The following ZBTB24 variants were observed in gnomAD, a reference collection of about 807,000 sequenced individuals.
The protein encoded by ZBTB24 is zinc finger and BTB domain-containing protein 24.
A neutral mutation model predicts 53.8 loss-of-function variants in ZBTB24; 32 were observed. That is an observed-to-expected ratio of 0.60 (90% CI 0.45 to 0.80). ZBTB24 has a LOEUF of 0.80. Ranked by LOEUF, ZBTB24 falls within the 30% of genes least tolerant of loss-of-function variation. The probability of loss-of-function intolerance (pLI) is 0.00; values close to 1 mark genes in which losing one functional copy is unlikely to be tolerated. For missense variants in ZBTB24, 722 were observed against 837.1 expected (o/e 0.86, Z 1.70); for synonymous variants, 297 against 306.7 (o/e 0.97, Z 0.33).
intron 5 of ZBTB24, 57 bp downstream of exon 5, chr6:109,475,342 C>T (rs1002679799): frequency 1.2e-6 from 2 of 1,603,332 alleles, no homozygotes; most frequent in African/African-American, 2.7e-5. Context: ...GAACTTCATT[C>T]TTCACTCTCC....
chr6:109,482,742 T>C (rs1227876685), intron 1 of ZBTB24, among the ~76,000 whole-genome samples: 2 of 152,170 alleles, frequency 1.3e-5, no homozygotes, highest in Non-Finnish European at 2.9e-5. Context: ...CTTTCTATGG[T>C]TGCACAACTA....
intron 5 of ZBTB24, among the ~76,000 whole-genome samples, chr6:109,469,881 G>A (rs919883252): frequency 1.3e-5 from 2 of 152,256 alleles, no homozygotes; most frequent in East Asian, 1.9e-4. Flanking sequence ...ATGACTACAC[G>A]GTGTGCACCA....
chr6:109,476,687 C>G (rs1291544062), intron 3 of ZBTB24, 76 bp downstream of exon 3: 2 of 1,553,710 alleles, frequency 1.3e-6, no homozygotes, highest in East Asian at 4.7e-5. Context: ...TGAGAAAACA[C>G]CATTTAGGTG....
intron 5 of ZBTB24, among the ~76,000 whole-genome samples, chr6:109,468,553 C>T (rs907650494): frequency 1.3e-5 from 2 of 152,122 alleles, no homozygotes; most frequent in Admixed American, 6.5e-5. Flanking sequence ...AAGAGCACTA[C>T]AAACCTTGCC....
chr6:109,482,339 G>A (rs1220525772), intron 1 of ZBTB24, among the ~76,000 whole-genome samples: 2 of 151,998 alleles, frequency 1.3e-5, no homozygotes, highest in East Asian at 3.9e-4. Context: ...GGTGGCGCCC[G>A]CCTGTGGTCC....
Position 109,462,770 on chromosome 6 carries a change from A to G in ZBTB24, c.*3081T>C, listed in dbSNP as rs1429651045. ...CAAGGCAGACCCTCTTCTGGGAGAA[A>G]ACCAAAGATTCACCTTCAAAACGAG... is the stretch of plus-strand genomic sequence containing the variant. On this transcript the variant is annotated 3_prime_UTR_variant, in exon 7 of 7. Transcript: ENST00000230122. 1 of 152,192 alleles carries G rather than the reference A, an allele frequency of 6.6e-6. No homozygotes were observed. The highest frequency in any genetic ancestry group is 1.5e-5 in the Non-Finnish European group (1 of 68,052). 9.4% of individuals were successfully genotyped at this position (152,192 alleles called of 1,614,324 possible).
At chr6:109,473,240 G>C (rs1776206233) in intron 5 of ZBTB24, among the ~76,000 whole-genome samples, 2 of 152,134 alleles carry the variant, frequency 1.3e-5, no homozygotes, top group Admixed American at 1.3e-4. Context: ...AAGCTTCCCA[G>C]GTGGTAAAAA....
chr6:109,471,486 G>A (rs1776164443), intron 5 of ZBTB24, among the ~76,000 whole-genome samples: 1 of 152,226 alleles, frequency 6.6e-6, no homozygotes, highest in Non-Finnish European at 1.5e-5. Context: ...ACAGAACTGT[G>A]ACTTACTGAA....
In ZBTB24 at chr6:109,476,950, A is replaced by T. The variant is rs117893130; in HGVS notation, c.953-20T>A. On this transcript the variant is annotated intron_variant, in intron 2 of 6. Transcript: ENST00000230122. ...GCTCCCCTGGAAGAAGAGCCCCAGA[A>T]GCATGGTATAAGTAAGAATCCACAC... The T allele has an allele frequency of 0.012, 18,957 of 1,612,736 alleles. 164 individuals carry two copies. The highest frequency in any genetic ancestry group is 0.035 in the Middle Eastern group (210 of 6,060).
At position 109,462,936 on chromosome 6, in the gene ZBTB24, G is replaced by T. The variant is rs1057267065; in HGVS notation, c.*2915C>A. On this transcript the variant is annotated 3_prime_UTR_variant, in exon 7 of 7. Coordinates refer to ENST00000230122, the MANE Select transcript of ZBTB24 (RefSeq NM_014797.3). Reference sequence around the variant, plus strand: ...TGCACTAGCAACATCATTTCTCAAGGACACATGAGAAGTACTTTCATGTTC... The same window carrying T: ...TGCACTAGCAACATCATTTCTCAAGTACACATGAGAAGTACTTTCATGTTC... 6.6e-6 allele frequency: 1 copy of T among 152,192 alleles called. No homozygotes were observed. The highest frequency in any genetic ancestry group is 6.5e-5 in the Admixed American group (1 of 15,280). 9.4% of individuals were successfully genotyped at this position (152,192 alleles called of 1,614,324 possible).
At chr6:109,470,510 C>T (rs1348886180) in intron 5 of ZBTB24, among the ~76,000 whole-genome samples, 1 of 152,198 alleles carries the variant, frequency 6.6e-6, no homozygotes. Flanking sequence ...CCATGCCCAC[C>T]TGCTGAAACC....
At position 109,466,248 on chromosome 6, in the gene ZBTB24, A is replaced by T; in HGVS notation, c.1697T>A (p.Met566Lys). The T allele has an allele frequency of 1.9e-6, 3 of 1,614,248 alleles. No homozygotes were observed. Among genetic ancestry groups the T allele is most frequent in the Non-Finnish European group, 2.5e-6 (3 of 1,180,042 alleles). Residue 566 changes from methionine to lysine, a missense_variant, in exon 7 of 7, where the codon ATG becomes AAG. Physicochemically the swap from Met to Lys is moderately conservative, Grantham distance 95. Coordinates refer to ENST00000230122, the MANE Select transcript of ZBTB24 (RefSeq NM_014797.3). Reference protein sequence around the residue: ...VTDSVHNINFMPGPSQGISIV... With the variant: ...VTDSVHNINFKPGPSQGISIV... ...GCTGATTCCCTGGCTAGGACCGGGC[A>T]TGAAATTGATGTTATGTACAGAATC...
Position 109,481,341 on chromosome 6 carries a change from T to C in ZBTB24, c.686A>G (p.Glu229Gly). Residue 229 changes from glutamate (E) to glycine (G), a missense_variant, in exon 2 of 7, where the codon GAG becomes GGG. Glu to Gly is a moderately conservative substitution (Grantham distance 98). Transcript: ENST00000230122. Reference sequence around the variant, plus strand: ...CTCATCTTTTTCAACTGGCATTTCCTCCTCTCTACTTGGCTCACAAGTAGG... The same window carrying C: ...CTCATCTTTTTCAACTGGCATTTCCCCCTCTCTACTTGGCTCACAAGTAGG... ...SEPTCEPSRE[E>G]EMPVEKDENY... 6.2e-7 allele frequency: 1 copy of C among 1,614,198 alleles called. No homozygotes were observed. Among genetic ancestry groups the C allele is most frequent in the South Asian group, 1.1e-5 (1 of 91,086 alleles).
At chr6:109,477,460 C>T (rs1453570496) in intron 2 of ZBTB24, among the ~76,000 whole-genome samples, 1 of 152,076 alleles carries the variant, frequency 6.6e-6, no homozygotes, top group Non-Finnish European at 1.5e-5. Flanking sequence ...CCAATACAAC[C>T]TAATTTTTAA....
rs149523122 is a variant in ZBTB24 at position 109,476,657 on chromosome 6, C to T, written c.1120+106G>A. On this transcript the variant is annotated intron_variant, in intron 3 of 6. Transcript: ENST00000230122. ...AAAATCCTGTCTTTCAATGACACCACGTTGGAAATGATACTAGGCTGAGAA... is the reference window on the plus strand; with the variant it reads ...AAAATCCTGTCTTTCAATGACACCATGTTGGAAATGATACTAGGCTGAGAA... 2.3e-5 allele frequency: 33 copies of T among 1,449,600 alleles called. 1 individual carries two copies. The African/African-American group carries it at 3.2e-4, about 14-fold the overall frequency. 89.8% of individuals were successfully genotyped at this position (1,449,600 alleles called of 1,614,324 possible). A position where few individuals can be genotyped will look rare whatever the true frequency, so the allele number is the denominator to read the frequency against.
chr6:109,480,878 T>C, intron 2 of ZBTB24, 197 bp downstream of exon 2: 1 of 1,325,048 alleles, frequency 7.5e-7, no homozygotes, highest in Non-Finnish European at 9.9e-7. Flanking sequence ...TGAGTAAATA[T>C]GATTTTAATC....
chr6:109,481,988 A>G lies in ZBTB24; in HGVS notation c.39T>C (p.Val13=), dbSNP rs758840016. ...TGTCACTGTGAGCGTCTGAGTGTAC[A>G]ACAAGCTGCCCAGAAGGCTCTGGCG... ...ETSPEPSGQL[V]VHSDAHSDTV... The change falls in exon 2 of 7, where the codon GTT becomes GTC. Residue 13 remains valine (V), a synonymous_variant. Coordinates refer to ENST00000230122, the MANE Select transcript of ZBTB24 (RefSeq NM_014797.3). 21 of 1,614,242 alleles carry G rather than the reference A, an allele frequency of 1.3e-5. No homozygotes were observed. Among genetic ancestry groups the G allele is most frequent in the Non-Finnish European group, 1.6e-5 (19 of 1,180,042 alleles).
Position 109,462,936 on chromosome 6 carries a change from G to A in ZBTB24, c.*2915C>T, listed in dbSNP as rs1057267065. ...TGCACTAGCAACATCATTTCTCAAGGACACATGAGAAGTACTTTCATGTTC... is the reference window on the plus strand; with the variant it reads ...TGCACTAGCAACATCATTTCTCAAGAACACATGAGAAGTACTTTCATGTTC... On this transcript the variant is annotated 3_prime_UTR_variant, in exon 7 of 7. Coordinates refer to ENST00000230122, the MANE Select transcript of ZBTB24 (RefSeq NM_014797.3). 6.6e-6 allele frequency: 1 copy of A among 152,310 alleles called. No homozygotes were observed. Among genetic ancestry groups the A allele is most frequent in the South Asian group, 2.1e-4 (1 of 4,826 alleles). 9.4% of individuals were successfully genotyped at this position (152,310 alleles called of 1,614,324 possible). A position where few individuals can be genotyped will look rare whatever the true frequency, so the allele number is the denominator to read the frequency against.
At chr6:109,474,826 C>T (rs147721331) in intron 5 of ZBTB24, among the ~76,000 whole-genome samples, 1,995 of 151,894 alleles carry the variant, frequency 0.013, 31 homozygotes, top group Non-Finnish European at 0.018. Context: ...ACTGCTTGAG[C>T]CCAGGAGTTC....
Sources: allele counts gnomAD v4.1 joint callset (sites outside exome capture counted in the v4.1 genomes callset), GRCh38; gene constraint gnomAD v4.1.1; transcripts MANE v1.5; gene names NCBI Gene and HGNC (gene_info 2026-07-23, HGNC 2026-07-21).